PARD3B: variants seen among roughly 807,000 people sequenced by gnomAD.
PARD3B encodes par-3 family cell polarity regulator beta.
Under a neutral mutation model 130.2 loss-of-function variants are expected in PARD3B, and 103 were observed. The ratio of observed to expected loss-of-function variants is 0.79; its 90% CI spans 0.67 to 0.93. The LOEUF is 0.93. PARD3B is among the 40% of genes least tolerant of loss of function. The pLI is 0.00. For synonymous variants in PARD3B, 583 were observed against 553.2 expected, an observed-to-expected ratio of 1.05 and a Z score of -0.76; for missense variants, 1,609 against 1,499.2, an observed-to-expected ratio of 1.07 and a Z score of -1.21.
At chr2:205,275,696 G>T (rs1309818058) in intron 16 of PARD3B, among the ~76,000 whole-genome samples, 6 of 151,810 alleles carry the variant, frequency 4.0e-5, no homozygotes, top group Non-Finnish European at 2.9e-5. Context: ...AATTAGCCGG[G>T]CATGGTGGCA....
At chr2:205,494,557 A>G (rs1171229172) in intron 20 of PARD3B, among the ~76,000 whole-genome samples, 1 of 152,202 alleles carries the variant, frequency 6.6e-6, no homozygotes, top group Non-Finnish European at 1.5e-5. Flanking sequence ...TGGCTCCAAC[A>G]TCATTTTTTA....
At chr2:204,958,284 G>A (rs1347559349) in intron 2 of PARD3B, among the ~76,000 whole-genome samples, 1 of 152,144 alleles carries the variant, frequency 6.6e-6, no homozygotes, top group East Asian at 1.9e-4. Context: ...AATATTGAGA[G>A]ACTCTGCAAT....
chr2:204,546,028 C>A lies in PARD3B; in HGVS notation c.29C>A (p.Thr10Lys). Residue 10 changes from threonine (T) to lysine (K), a missense_variant, in exon 1 of 23, where the codon ACG becomes AAG. Thr to Lys is a moderately conservative substitution (Grantham distance 78, BLOSUM62 -1). Transcript: ENST00000406610. ...AAAGTGACCGTGTGCTTCGGCAGGACGGGCATCGTGGTGCCCTGCAAGGAG... is the reference window on the plus strand; with the variant it reads ...AAAGTGACCGTGTGCTTCGGCAGGAAGGGCATCGTGGTGCCCTGCAAGGAG... MKVTVCFGR[T>K]GIVVPCKEGQ... The A allele has an allele frequency of 6.4e-7, 1 of 1,568,050 alleles. No individual in the cohort carries two copies. Among genetic ancestry groups the A allele is most frequent in the Non-Finnish European group, 8.7e-7 (1 of 1,155,754 alleles).
At chr2:205,036,268 T>C (rs910671888) in intron 3 of PARD3B, among the ~76,000 whole-genome samples, 1 of 147,038 alleles carries the variant, frequency 6.8e-6, no homozygotes, top group Non-Finnish European at 1.5e-5. Context: ...GTGGGCTATA[T>C]ATATAAATAT....
chr2:204,800,342 CAAAG>C (rs1354480134), intron 2 of PARD3B, among the ~76,000 whole-genome samples: 2 of 151,312 alleles, frequency 1.3e-5, no homozygotes, highest in Middle Eastern at 3.2e-3. Context: ...TTGGAAGAGA[CAAAG>C]AAAAAAATCA....
intron 2 of PARD3B, among the ~76,000 whole-genome samples, chr2:204,897,553 C>A (rs1387645740): frequency 6.6e-6 from 1 of 151,772 alleles, no homozygotes; most frequent in African/African-American, 2.4e-5. Context: ...ATAGGAAGAT[C>A]CTGTGTACTC....
At chr2:205,557,550 C>A (rs1167264953) in intron 22 of PARD3B, among the ~76,000 whole-genome samples, 1 of 152,204 alleles carries the variant, frequency 6.6e-6, no homozygotes, top group African/African-American at 2.4e-5. Context: ...ATTATAGCCC[C>A]AGTTTCATCA....
intron 16 of PARD3B, among the ~76,000 whole-genome samples, chr2:205,279,856 T>C (rs2041121574): frequency 6.6e-6 from 1 of 152,188 alleles, no homozygotes; most frequent in African/African-American, 2.4e-5. Flanking sequence ...CCAGTGTTTC[T>C]AACCATAAAG....
Position 205,119,398 on chromosome 2 carries a change from T to G in PARD3B, c.806+352T>G, listed in dbSNP as rs184512451. On this transcript the variant is annotated intron_variant, in intron 7 of 22. Coordinates refer to ENST00000406610, the MANE Select transcript of PARD3B (RefSeq NM_001302769.2). ...GTTGGTTCAGCTTATTAATTAACTT[T>G]CTTGGTGTCAGCAGTCTTCCTTAAA... 6.7e-4 allele frequency among the ~76,000 whole-genome samples: 102 copies of G among 152,276 alleles called. 1 individual carries two copies. Among genetic ancestry groups the G allele is most frequent in the Non-Finnish European group, 1.0e-3 (70 of 68,026 alleles).
chr2:205,459,338 C>T (rs1254268377), intron 20 of PARD3B, among the ~76,000 whole-genome samples: 1 of 151,942 alleles, frequency 6.6e-6, no homozygotes, highest in Non-Finnish European at 1.5e-5. Context: ...TTTGATTATT[C>T]TCATGAGAGT....
chr2:205,344,194 T>TTGTGTTTGTGTGTGTGTGTG (rs148707708), intron 18 of PARD3B, among the ~76,000 whole-genome samples: 130 of 141,036 alleles, frequency 9.2e-4, no homozygotes, highest in African/African-American at 3.1e-3. Flanking sequence ...GTCAGTTGGT[T>TTGTGTTTGTGTGTGTGTGTG]TGTGTGTGTG....
chr2:205,082,640 G>C (rs1490249250), intron 4 of PARD3B, among the ~76,000 whole-genome samples: 1 of 151,726 alleles, frequency 6.6e-6, no homozygotes, highest in Non-Finnish European at 1.5e-5. Context: ...AAATCAGTTT[G>C]ATTTCATTGA....
At chr2:204,794,921 A>G (rs902335661) in intron 2 of PARD3B, among the ~76,000 whole-genome samples, 1 of 152,154 alleles carries the variant, frequency 6.6e-6, no homozygotes, top group African/African-American at 2.4e-5. Context: ...TATTCTTATC[A>G]TCATTAATAT....
chr2:204,864,441 T>G (rs139581420), intron 2 of PARD3B, among the ~76,000 whole-genome samples: 52 of 152,304 alleles, frequency 3.4e-4, no homozygotes, highest in African/African-American at 1.2e-3. Context: ...TTTTTATTGC[T>G]TGACCACCCA....
chr2:205,191,500 A>C (rs191259481), intron 14 of PARD3B, among the ~76,000 whole-genome samples: 28 of 152,310 alleles, frequency 1.8e-4, no homozygotes, highest in African/African-American at 6.3e-4. Flanking sequence ...ATGTCAAAGA[A>C]ACTGTAAAAA....
chr2:204,889,183 C>G (rs1332305718), intron 2 of PARD3B, among the ~76,000 whole-genome samples: 1 of 152,186 alleles, frequency 6.6e-6, no homozygotes, highest in Admixed American at 6.5e-5. Flanking sequence ...AAGGGTCATT[C>G]CAGTCCAGCT....
intron 21 of PARD3B, among the ~76,000 whole-genome samples, chr2:205,542,943 G>A (rs1186442145): frequency 6.6e-6 from 1 of 152,092 alleles, no homozygotes; most frequent in South Asian, 2.1e-4. Context: ...ATGTCATGAG[G>A]GTAAAGCTCC....
chr2:204,720,991 C>T (rs2038970959), intron 2 of PARD3B, among the ~76,000 whole-genome samples: 1 of 151,968 alleles, frequency 6.6e-6, no homozygotes, highest in Admixed American at 6.6e-5. Context: ...TCTTGGGTGC[C>T]ACCCCAGATT....
chr2:205,130,530 CATGTGCATGT>C (rs1413354254), intron 10 of PARD3B, among the ~76,000 whole-genome samples: 1 of 152,118 alleles, frequency 6.6e-6, no homozygotes, highest in African/African-American at 2.4e-5. Context: ...TGTGTGTGTA[CATGTGCATGT>C]ATGTGCATGT....
Sources: gnomAD v4.1 joint callset for allele counts (sites outside exome capture counted in the v4.1 genomes callset) on GRCh38, gnomAD v4.1.1 for gene constraint, MANE v1.5 for transcripts, NCBI Gene and HGNC (gene_info 2026-07-23, HGNC 2026-07-21) for gene names.